The following PITPNC1 variants were observed in gnomAD, a reference collection of about 807,000 sequenced individuals.
PITPNC1 encodes cytoplasmic phosphatidylinositol transfer protein 1.
In PITPNC1, 18 loss-of-function variants were observed where a neutral mutation model predicts 44.7. The ratio of observed to expected loss-of-function variants is 0.40; its 90% CI spans 0.28 to 0.60. The LOEUF (loss-of-function observed/expected upper bound fraction) is 0.60, where lower values mean the gene tolerates loss of function less well. PITPNC1 is among the 20% of genes least tolerant of loss of function. The pLI, the probability that PITPNC1 is intolerant of heterozygous loss-of-function variation, is 0.39. For synonymous variants in PITPNC1, 141 were observed against 149.6 expected (o/e 0.94, Z 0.42); for missense variants, 290 against 418.4 (o/e 0.69, Z 2.68).
chr17:67,546,032 A>C (rs1272473148), intron 2 of PITPNC1, among the ~76,000 whole-genome samples: 1 of 151,918 alleles, frequency 6.6e-6, no homozygotes, highest in African/African-American at 2.4e-5. Context: ...TCTCTAGGAA[A>C]AATACAAAAA....
chr17:67,550,013 T>C (rs1304696578), intron 2 of PITPNC1, among the ~76,000 whole-genome samples: 1 of 152,190 alleles, frequency 6.6e-6, no homozygotes, highest in Non-Finnish European at 1.5e-5. Context: ...GACCATTTCC[T>C]GCACGCGAGC....
chr17:67,529,949 A>G (rs1163251012), intron 1 of PITPNC1, among the ~76,000 whole-genome samples: 1 of 147,892 alleles, frequency 6.8e-6, no homozygotes, highest in African/African-American at 2.7e-5. Flanking sequence ...CCCTGTCTCA[A>G]AACAAACAAA....
intron 1 of PITPNC1, among the ~76,000 whole-genome samples, chr17:67,471,226 A>T (rs1484647231): frequency 7.8e-6 from 1 of 127,604 alleles, no homozygotes; most frequent in African/African-American, 3.2e-5. Context: ...AAAAAAATGT[A>T]AAAAAAAAAA....
At chr17:67,501,412 C>T (rs887074984) in intron 1 of PITPNC1, among the ~76,000 whole-genome samples, 5 of 152,216 alleles carry the variant, frequency 3.3e-5, no homozygotes, top group Admixed American at 6.5e-5. Context: ...TGTCCTGTCT[C>T]CTTCGCTGCC....
At chr17:67,678,703 T>C (rs922447100) in intron 8 of PITPNC1, among the ~76,000 whole-genome samples, 2 of 152,200 alleles carry the variant, frequency 1.3e-5, no homozygotes, top group African/African-American at 4.8e-5. Flanking sequence ...CTCAGTCCCA[T>C]ATTCAAAGTA....
chr17:67,486,482 A>G (rs2039779560), intron 1 of PITPNC1, among the ~76,000 whole-genome samples: 1 of 152,202 alleles, frequency 6.6e-6, no homozygotes. Context: ...AGAAGATGGC[A>G]TTGATCGGAG....
At chr17:67,391,276 C>T (rs564472567) in intron 1 of PITPNC1, among the ~76,000 whole-genome samples, 8 of 152,102 alleles carry the variant, frequency 5.3e-5, no homozygotes, top group African/African-American at 1.9e-4. Context: ...TGATGATACC[C>T]TATAATAATG....
At chr17:67,590,763 G>A (rs2041378803) in intron 5 of PITPNC1, among the ~76,000 whole-genome samples, 1 of 151,972 alleles carries the variant, frequency 6.6e-6, no homozygotes, top group Non-Finnish European at 1.5e-5. Context: ...AGGAGTTGGA[G>A]ACCACGGTGA....
At chr17:67,655,822 A>C (rs2042259923) in intron 6 of PITPNC1, among the ~76,000 whole-genome samples, 1 of 151,974 alleles carries the variant, frequency 6.6e-6, no homozygotes, top group Non-Finnish European at 1.5e-5. Flanking sequence ...GCATGCCTGT[A>C]ATCCCAGCTA....
intron 6 of PITPNC1, among the ~76,000 whole-genome samples, chr17:67,655,003 A>G (rs1351119683): frequency 6.6e-6 from 1 of 152,224 alleles, no homozygotes; most frequent in African/African-American, 2.4e-5. Flanking sequence ...CCAGAATTTC[A>G]GACAGAATGT....
intron 5 of PITPNC1, among the ~76,000 whole-genome samples, chr17:67,582,386 A>G (rs1158196698): frequency 1.3e-5 from 2 of 152,182 alleles, no homozygotes; most frequent in Non-Finnish European, 2.9e-5. Flanking sequence ...TTCAGCTACC[A>G]TCCTTCATAC....
rs1418425365 is a variant in PITPNC1, at chr17:67,622,271, AAAG to A, written c.367-9869_367-9867del. On this transcript the variant is annotated intron_variant, in intron 5 of 8. Transcript: ENST00000581322. Reference sequence around the variant, plus strand: ...GACTGCATCTCAAAAAAAAAAAAAAAAAGAAAAGATAGTGGTTTTGAAGAGACC... The same window carrying A: ...GACTGCATCTCAAAAAAAAAAAAAAAAAAAGATAGTGGTTTTGAAGAGACC... 1.4e-4 allele frequency among the ~76,000 whole-genome samples: 21 copies of A among 151,086 alleles called. No homozygotes were observed. The South Asian group carries it at 4.4e-3, about 31-fold the overall frequency.
intron 1 of PITPNC1, among the ~76,000 whole-genome samples, chr17:67,462,225 C>CTTTTTTTTTTTTTTTTTTT (rs549707875): frequency 2.4e-4 from 17 of 71,262 alleles, no homozygotes; most frequent in East Asian, 3.7e-4. Flanking sequence ...TTCTTTCTTT[C>CTTTTTTTTTTTTTTTTTTT]TTTTTTTTTT....
chr17:67,563,231 G>A (rs1356907911), intron 4 of PITPNC1, among the ~76,000 whole-genome samples: 1 of 152,130 alleles, frequency 6.6e-6, no homozygotes. Flanking sequence ...CCAGAGAATC[G>A]ATGTCATCTA....
At chr17:67,555,688 AAAAAAG>A (rs1190398192) in intron 4 of PITPNC1, among the ~76,000 whole-genome samples, 121 of 128,296 alleles carry the variant, frequency 9.4e-4, no homozygotes, top group East Asian at 8.3e-3. Flanking sequence ...AAAAAAAAAA[AAAAAAG>A]GTAGTTGGGT....
intron 1 of PITPNC1, among the ~76,000 whole-genome samples, chr17:67,387,661 C>G (rs758119819): frequency 2.6e-5 from 4 of 152,134 alleles, no homozygotes; most frequent in Admixed American, 2.0e-4. Context: ...GAAACTCTGT[C>G]TCAAAATAAA....
chr17:67,423,104 C>T (rs771470243), intron 1 of PITPNC1, among the ~76,000 whole-genome samples: 1 of 152,018 alleles, frequency 6.6e-6, no homozygotes, highest in Non-Finnish European at 1.5e-5. Flanking sequence ...ATTGATTCTT[C>T]ATGGAGGAGT....
chr17:67,461,289 C>T (rs1171824679), intron 1 of PITPNC1, among the ~76,000 whole-genome samples: 1 of 152,192 alleles, frequency 6.6e-6, no homozygotes, highest in Non-Finnish European at 1.5e-5. Flanking sequence ...CTATAAAATG[C>T]TTCTGGAATC....
intron 1 of PITPNC1, among the ~76,000 whole-genome samples, chr17:67,381,226 G>A (rs746841754): frequency 6.6e-6 from 1 of 151,022 alleles, no homozygotes; most frequent in African/African-American, 2.4e-5. Flanking sequence ...TACTTGGGAC[G>A]CTGAGGCAGT....
Sources: allele counts gnomAD v4.1 joint callset (sites outside exome capture counted in the v4.1 genomes callset), GRCh38; gene constraint gnomAD v4.1.1; transcripts MANE v1.5; gene names NCBI Gene and HGNC (gene_info 2026-07-23, HGNC 2026-07-21).